Variants in PTPRT observed in about 807,000 individuals in gnomAD.
The protein encoded by PTPRT is receptor-type tyrosine-protein phosphatase T.
Under a neutral mutation model 176.8 loss-of-function variants are expected in PTPRT, and 56 were observed. That is an observed-to-expected ratio of 0.32 (90% confidence interval 0.26 to 0.40). The LOEUF is 0.40. PTPRT is among the 10% of genes least tolerant of loss of function. The pLI is 1.00. For missense variants in PTPRT, 1,540 were observed against 1,908.2 expected, an observed-to-expected ratio of 0.81 and a Z score of 3.60; for synonymous variants, 783 against 739.0, an observed-to-expected ratio of 1.06 and a Z score of -0.96.
intron 7 of PTPRT, among the ~76,000 whole-genome samples, chr20:42,540,701 AG>A (rs113052245): frequency 0.015 from 2,247 of 152,350 alleles, 54 homozygotes; most frequent in African/African-American, 0.052. Flanking sequence ...ACCATAAACA[AG>A]TCAAATATTA....
intron 7 of PTPRT, among the ~76,000 whole-genome samples, chr20:42,534,674 C>T (rs1406851999): frequency 1.3e-5 from 2 of 152,054 alleles, no homozygotes; most frequent in Non-Finnish European, 2.9e-5. Flanking sequence ...GTGCTACAGA[C>T]CGCAGCCAAA....
intron 7 of PTPRT, among the ~76,000 whole-genome samples, chr20:42,603,752 A>C (rs1393812858): frequency 2.0e-5 from 3 of 152,152 alleles, no homozygotes; most frequent in Non-Finnish European, 4.4e-5. Flanking sequence ...TCAAAGCTTC[A>C]CTCCATAGAC....
At chr20:42,036,079 G>C in the PTPRT span, among the ~76,000 whole-genome samples, 1 of 152,218 alleles carries the variant, frequency 6.6e-6, no homozygotes, top group Non-Finnish European at 1.5e-5. Context: ...AGCCTTCTGA[G>C]TGGTGGTGTT....
At chr20:42,537,913 A>G (rs2072505121) in intron 7 of PTPRT, among the ~76,000 whole-genome samples, 1 of 152,206 alleles carries the variant, frequency 6.6e-6, no homozygotes, top group African/African-American at 2.4e-5. Flanking sequence ...TATACCACCA[A>G]TGTATCCTGC....
intron 1 of PTPRT, among the ~76,000 whole-genome samples, chr20:42,921,731 C>T (rs539288171): frequency 9.8e-5 from 15 of 152,326 alleles, no homozygotes; most frequent in Admixed American, 9.1e-4. Context: ...GATCTCAGAA[C>T]ACTGCACCTT....
chr20:42,367,758 T>A (rs1167878543), intron 9 of PTPRT, among the ~76,000 whole-genome samples: 1 of 152,022 alleles, frequency 6.6e-6, no homozygotes, highest in Non-Finnish European at 1.5e-5. Context: ...AGAGAAGAGC[T>A]TTCCAGGAGA....
chr20:42,565,944 G>C (rs979367412), intron 7 of PTPRT, among the ~76,000 whole-genome samples: 1 of 151,954 alleles, frequency 6.6e-6, no homozygotes, highest in East Asian at 1.9e-4. Flanking sequence ...TGGCAGAGAC[G>C]ACTTGCTCTC....
intron 6 of PTPRT, among the ~76,000 whole-genome samples, chr20:42,725,009 TTGTG>T (rs147376328): frequency 0.055 from 7,364 of 133,854 alleles, 303 homozygotes; most frequent in African/African-American, 0.11. Flanking sequence ...TGGACATCTT[TTGTG>T]TGTGTGTGTG....
At chr20:42,663,545 C>A (rs900176079) in intron 7 of PTPRT, among the ~76,000 whole-genome samples, 2 of 152,104 alleles carry the variant, frequency 1.3e-5, no homozygotes, top group African/African-American at 4.8e-5. Context: ...GTTCTAGAAT[C>A]CAGGGCAGGC....
chr20:42,328,698 C>T (rs978557364), intron 11 of PTPRT, among the ~76,000 whole-genome samples: 3 of 151,708 alleles, frequency 2.0e-5, no homozygotes, highest in African/African-American at 4.9e-5. Flanking sequence ...TAACATTATA[C>T]GTAAGAGAAA....
At chr20:42,043,310 G>A in the PTPRT span, among the ~76,000 whole-genome samples, 2 of 152,184 alleles carry the variant, frequency 1.3e-5, no homozygotes, top group East Asian at 3.8e-4. Context: ...GTTCCATTAA[G>A]GCAGGGACTT....
At chr20:42,660,816 G>A (rs1440731466) in intron 7 of PTPRT, among the ~76,000 whole-genome samples, 1 of 151,960 alleles carries the variant, frequency 6.6e-6, no homozygotes, top group Non-Finnish European at 1.5e-5. Context: ...TATGAATTAG[G>A]GTAAGTTTGG....
At chr20:42,374,601 G>A (rs1205426934) in intron 9 of PTPRT, among the ~76,000 whole-genome samples, 2 of 152,022 alleles carry the variant, frequency 1.3e-5, no homozygotes, top group East Asian at 1.9e-4. Context: ...AGAAGAACAT[G>A]CAAATAGAAA....
At chr20:42,302,389 G>C (rs535427637) in intron 12 of PTPRT, among the ~76,000 whole-genome samples, 1 of 152,232 alleles carries the variant, frequency 6.6e-6, no homozygotes, top group East Asian at 1.9e-4. Flanking sequence ...CTTCCCAAAT[G>C]TATCAGGGAA....
At chr20:43,024,714 C>T (rs1407862129) in intron 1 of PTPRT, among the ~76,000 whole-genome samples, 4 of 152,146 alleles carry the variant, frequency 2.6e-5, no homozygotes, top group Non-Finnish European at 5.9e-5. Context: ...GGCCACTATT[C>T]CATTGGGCCT....
chr20:42,298,110 G>A (rs1000907531), intron 12 of PTPRT, among the ~76,000 whole-genome samples: 5 of 152,016 alleles, frequency 3.3e-5, no homozygotes. Context: ...ATATATCACA[G>A]ATAAAGTACT....
At chr20:42,842,226 T>C (rs955579134) in intron 2 of PTPRT, among the ~76,000 whole-genome samples, 18 of 152,194 alleles carry the variant, frequency 1.2e-4, no homozygotes, top group African/African-American at 4.3e-4. Flanking sequence ...GTGGTTTTTA[T>C]GGTGGCTGCA....
intron 7 of PTPRT, among the ~76,000 whole-genome samples, chr20:42,603,219 C>T (rs933999002): frequency 6.6e-6 from 1 of 151,958 alleles, no homozygotes; most frequent in African/African-American, 2.4e-5. Context: ...ACAGGAGATA[C>T]GAGTGATGTA....
intron 1 of PTPRT, among the ~76,000 whole-genome samples, chr20:42,930,428 C>G (rs1979763500): frequency 6.6e-6 from 1 of 152,146 alleles, no homozygotes; most frequent in Non-Finnish European, 1.5e-5. Context: ...CTAAATGCCT[C>G]AAGTCTTCTA....
Sources: gnomAD v4.1 joint callset for allele counts (sites outside exome capture counted in the v4.1 genomes callset) on GRCh38, gnomAD v4.1.1 for gene constraint, MANE v1.5 for transcripts, NCBI Gene and HGNC (gene_info 2026-07-23, HGNC 2026-07-21) for gene names.